The following PHACTR1 variants were observed in gnomAD, a reference collection of about 807,000 sequenced individuals.
PHACTR1 encodes the protein phosphatase and actin regulator 1, also known as RPEL repeat containing 1.
A neutral mutation model predicts 69.2 loss-of-function variants in PHACTR1; 16 were observed. The observed-to-expected ratio is 0.23, with a 90% CI of 0.16 to 0.35. The LOEUF (loss-of-function observed/expected upper bound fraction) is 0.35, where lower values mean the gene tolerates loss of function less well. Among genes scored for constraint, PHACTR1 ranks in the 10% least tolerant of loss-of-function variants. PHACTR1 has a pLI of 1.00. For synonymous variants in PHACTR1, 312 were observed against 284.5 expected (o/e 1.10, Z -0.97); for missense variants, 510 against 734.7 (o/e 0.69, Z 3.54).
intron 10 of PHACTR1, among the ~76,000 whole-genome samples, chr6:13,240,162 A>G (rs771347104): frequency 4.6e-5 from 7 of 151,958 alleles, no homozygotes; most frequent in Non-Finnish European, 1.0e-4. Context: ...TTTTGGGTGC[A>G]GGGGGTGGGG....
chr6:13,091,917 C>T (rs901580601), intron 5 of PHACTR1, among the ~76,000 whole-genome samples: 23 of 152,292 alleles, frequency 1.5e-4, no homozygotes, highest in African/African-American at 5.3e-4. Context: ...CCTGCCTCAG[C>T]CTCCTGAGTA....
intron 4 of PHACTR1, among the ~76,000 whole-genome samples, chr6:12,826,027 C>G (rs978308431): frequency 6.6e-6 from 1 of 152,108 alleles, no homozygotes; most frequent in Non-Finnish European, 1.5e-5. Flanking sequence ...GGGAGTGTTT[C>G]TCAGTATGAT....
intron 4 of PHACTR1, among the ~76,000 whole-genome samples, chr6:12,771,326 T>C (rs1355109387): frequency 6.6e-6 from 1 of 152,058 alleles, no homozygotes; most frequent in East Asian, 1.9e-4. Flanking sequence ...CCACCTTAGG[T>C]AGACTAGTGG....
At chr6:12,937,175 T>A (rs960866216) in intron 4 of PHACTR1, among the ~76,000 whole-genome samples, 1 of 152,154 alleles carries the variant, frequency 6.6e-6, no homozygotes, top group Admixed American at 6.6e-5. Flanking sequence ...CACCTTTCTG[T>A]GTTAGGCTAG....
chr6:12,785,506 CA>C (rs1420975198), intron 4 of PHACTR1, among the ~76,000 whole-genome samples: 1 of 152,200 alleles, frequency 6.6e-6, no homozygotes, highest in East Asian at 1.9e-4. Context: ...CTAATCCCCA[CA>C]AACCTGCCAG....
chr6:12,733,719 TC>T (rs1670855393), intron 3 of PHACTR1, among the ~76,000 whole-genome samples: 1 of 152,200 alleles, frequency 6.6e-6, no homozygotes, highest in Non-Finnish European at 1.5e-5. Flanking sequence ...GTAACCAAGC[TC>T]AAGAGTTTGC....
At chr6:12,789,686 A>G (rs925631588) in intron 4 of PHACTR1, among the ~76,000 whole-genome samples, 1 of 151,552 alleles carries the variant, frequency 6.6e-6, no homozygotes, top group African/African-American at 2.4e-5. Context: ...TGGCTACTCC[A>G]TCTTTCTGCG....
chr6:12,904,269 C>G (rs115891442), intron 4 of PHACTR1, among the ~76,000 whole-genome samples: 1 of 152,118 alleles, frequency 6.6e-6, no homozygotes, highest in East Asian at 1.9e-4. Context: ...TCATTACGGC[C>G]GGGTGCAGTG....
intron 5 of PHACTR1, among the ~76,000 whole-genome samples, chr6:13,124,322 C>CTA (rs1819190261): frequency 6.6e-6 from 1 of 152,100 alleles, no homozygotes; most frequent in Non-Finnish European, 1.5e-5. Context: ...TCACTGAAGG[C>CTA]TATAATAACA....
At chr6:13,016,604 A>G (rs1341421807) in intron 4 of PHACTR1, among the ~76,000 whole-genome samples, 1 of 151,670 alleles carries the variant, frequency 6.6e-6, no homozygotes, top group Non-Finnish European at 1.5e-5. Flanking sequence ...GTGAAATTAC[A>G]TTTTAGCAAT....
At chr6:12,749,375 C>A (rs963237140) in intron 3 of PHACTR1, 13 of 530,708 alleles carry the variant, frequency 2.4e-5, no homozygotes, top group Admixed American at 9.3e-5. Context: ...GAGCCCCGGG[C>A]GCCAGCCAGG....
At position 13,018,869 on chromosome 6, in the gene PHACTR1, G is replaced by GTTTA. The variant is rs58974279; in HGVS notation, c.251-34483_251-34480dup. 8.6e-3 allele frequency among the ~76,000 whole-genome samples: 1,309 copies of GTTTA among 151,980 alleles called. 15 individuals are homozygous for GTTTA. Among genetic ancestry groups the GTTTA allele is most frequent in the African/African-American group, 0.03 (1,243 of 41,438 alleles). ...ATGTGACCAACTCATCTATCTGTTTGTTTATTTATTTATTTACTTATTTAT... is the reference window on the plus strand; with the variant it reads ...ATGTGACCAACTCATCTATCTGTTTGTTTATTTATTTATTTATTTACTTATTTAT... On this transcript the variant is annotated intron_variant, in intron 4 of 14. Coordinates refer to ENST00000332995, the MANE Select transcript of PHACTR1 (RefSeq NM_030948.6).
chr6:12,821,145 A>G (rs990868236), intron 4 of PHACTR1, among the ~76,000 whole-genome samples: 1 of 152,080 alleles, frequency 6.6e-6, no homozygotes, highest in South Asian at 2.1e-4. Context: ...TCAATACTCA[A>G]ATATAAAGAA....
At chr6:12,802,950 G>T (rs1042997707) in intron 4 of PHACTR1, among the ~76,000 whole-genome samples, 3 of 152,146 alleles carry the variant, frequency 2.0e-5, no homozygotes, top group African/African-American at 7.2e-5. Context: ...GACAAAAGTG[G>T]CAAGATAAAA....
intron 4 of PHACTR1, among the ~76,000 whole-genome samples, chr6:12,919,335 G>A (rs955001982): frequency 1.3e-5 from 2 of 151,992 alleles, no homozygotes; most frequent in African/African-American, 2.4e-5. Context: ...TAGAGACGGG[G>A]TTTCACCATG....
In PHACTR1 at chr6:13,121,895, C is replaced by T. The variant is rs966892721; in HGVS notation, c.416-38309C>T. On this transcript the variant is annotated intron_variant, in intron 5 of 14. Coordinates refer to ENST00000332995, the MANE Select transcript of PHACTR1 (RefSeq NM_030948.6). Reference sequence around the variant, plus strand: ...CTTGGGAACAGGGACTTACTGAGTTCAGAAAATGCATCATGCAATGTGAAG... The same window carrying T: ...CTTGGGAACAGGGACTTACTGAGTTTAGAAAATGCATCATGCAATGTGAAG... Among the ~76,000 whole-genome samples, 5 of 152,150 alleles carry T rather than the reference C, an allele frequency of 3.3e-5. No individual in the cohort carries two copies. The East Asian group carries it at 9.6e-4, about 29-fold the overall frequency.
intron 4 of PHACTR1, among the ~76,000 whole-genome samples, chr6:12,909,506 T>C (rs6916096): frequency 0.13 from 19,667 of 152,244 alleles, 3,027 homozygotes; most frequent in African/African-American, 0.38. Flanking sequence ...TGAACATGGA[T>C]GTGAATTTAA....
intron 5 of PHACTR1, among the ~76,000 whole-genome samples, chr6:13,109,346 T>C (rs1056421005): frequency 1.6e-4 from 24 of 152,194 alleles, no homozygotes; most frequent in Admixed American, 1.3e-3. Context: ...TAAATTGTTA[T>C]AACTTTTGTT....
chr6:13,247,848 T>C (rs974864609), intron 10 of PHACTR1, among the ~76,000 whole-genome samples: 20 of 151,638 alleles, frequency 1.3e-4, no homozygotes, highest in Admixed American at 2.0e-4. Flanking sequence ...CTGGGCAACA[T>C]AGTGAGACCC....
Sources: allele counts gnomAD v4.1 joint callset (sites outside exome capture counted in the v4.1 genomes callset), GRCh38; gene constraint gnomAD v4.1.1; transcripts MANE v1.5; gene names NCBI Gene and HGNC (gene_info 2026-07-23, HGNC 2026-07-21).